KLHL1: variants seen among roughly 807,000 people sequenced by gnomAD.
KLHL1 encodes the protein kelch like family member 1.
KLHL1 carries 47 observed loss-of-function variants against 77.7 expected under a neutral mutation model. The observed-to-expected ratio is 0.60, with a 90% CI of 0.48 to 0.77. KLHL1 has a LOEUF of 0.77. Among genes scored for constraint, KLHL1 ranks in the 30% least tolerant of loss-of-function variants. The pLI is 0.00. For missense variants in KLHL1, 925 were observed against 910.8 expected, an observed-to-expected ratio of 1.02 and a Z score of -0.20; for synonymous variants, 360 against 325.2, an observed-to-expected ratio of 1.11 and a Z score of -1.15.
At chr13:69,855,098 G>A (rs1302986231) in intron 5 of KLHL1, among the ~76,000 whole-genome samples, 1 of 151,896 alleles carries the variant, frequency 6.6e-6, no homozygotes, top group Non-Finnish European at 1.5e-5. Context: ...TTATAGCAGA[G>A]CGTATTAGAA....
intron 4 of KLHL1, among the ~76,000 whole-genome samples, chr13:69,936,954 C>A (rs1883205707): frequency 6.6e-6 from 1 of 152,154 alleles, no homozygotes; most frequent in African/African-American, 2.4e-5. Context: ...TATCTTCCTG[C>A]AACTGCCCGT....
chr13:69,882,272 C>G lies in KLHL1; in HGVS notation c.1227+11G>C. The G allele has an allele frequency of 6.3e-7, 1 of 1,582,408 alleles. No individual in the cohort carries two copies. Among genetic ancestry groups the G allele is most frequent in the Non-Finnish European group, 8.7e-7 (1 of 1,151,356 alleles). ...CATTGAATCTATTTAAACAGCGTCA[C>G]ACATCATTACCTGTGGTGGAAGCAG... On this transcript the variant is annotated intron_variant, in intron 5 of 10. Transcript: ENST00000377844.
intron 4 of KLHL1, among the ~76,000 whole-genome samples, chr13:69,935,708 A>T (rs1883167563): frequency 6.6e-6 from 1 of 152,166 alleles, no homozygotes; most frequent in South Asian, 2.1e-4. Flanking sequence ...GTCAAAAAAC[A>T]GTAAGAAGAT....
At chr13:69,803,443 G>A (rs1430937351) in intron 6 of KLHL1, among the ~76,000 whole-genome samples, 1 of 152,146 alleles carries the variant, frequency 6.6e-6, no homozygotes, top group Non-Finnish European at 1.5e-5. Flanking sequence ...TGTAAAAAGA[G>A]TTAATTGCAA....
chr13:69,921,658 T>C (rs375188365), intron 4 of KLHL1, among the ~76,000 whole-genome samples: 6 of 152,166 alleles, frequency 3.9e-5, no homozygotes, highest in African/African-American at 9.7e-5. Context: ...CCCTTTTACA[T>C]GCCCTCACTC....
intron 1 of KLHL1, among the ~76,000 whole-genome samples, chr13:70,022,869 A>C (rs1165904864): frequency 6.6e-6 from 1 of 151,986 alleles, no homozygotes; most frequent in African/African-American, 2.4e-5. Context: ...AATCTGGCAA[A>C]CTTTAACTGT....
intron 4 of KLHL1, among the ~76,000 whole-genome samples, chr13:69,915,079 A>C (rs1882378084): frequency 6.6e-6 from 1 of 152,152 alleles, no homozygotes; most frequent in Non-Finnish European, 1.5e-5. Flanking sequence ...AACACTGCTC[A>C]ACGAAATAAA....
intron 7 of KLHL1, among the ~76,000 whole-genome samples, chr13:69,782,839 A>T (rs1052526765): frequency 6.6e-5 from 10 of 152,186 alleles, no homozygotes; most frequent in Admixed American, 5.2e-4. Flanking sequence ...GCAGCTGGTG[A>T]TCTGAGAATG....
intron 7 of KLHL1, among the ~76,000 whole-genome samples, chr13:69,770,235 G>A (rs1875500082): frequency 6.6e-6 from 1 of 152,208 alleles, no homozygotes; most frequent in Non-Finnish European, 1.5e-5. Context: ...TGGTCCAGAT[G>A]TGGGCAAAGC....
intron 4 of KLHL1, among the ~76,000 whole-genome samples, chr13:69,917,265 A>C (rs1405223133): frequency 6.6e-6 from 1 of 152,040 alleles, no homozygotes; most frequent in East Asian, 1.9e-4. Context: ...ATAAAATGAA[A>C]TGCTTAAAAC....
chr13:70,107,235 A>T lies in KLHL1; in HGVS notation c.465T>A (p.Ser155=), dbSNP rs753720529. 18 of 1,613,424 alleles carry T rather than the reference A, an allele frequency of 1.1e-5. No individual in the cohort carries two copies. The South Asian group carries it at 2.0e-4, about 18-fold the overall frequency. The change falls in exon 1 of 11, where the codon TCT becomes TCA. Residue 155 remains serine (S), a synonymous_variant. Coordinates refer to ENST00000377844, the MANE Select transcript of KLHL1 (RefSeq NM_020866.3). The part of the protein sequence containing the change: ...LQELKVEPDN[S]SQATGEGCGH... ...CACATCCTTCACCTGTTGCCTGGCT[A>T]GAGTTGTCTGGCTCCACTTTGAGCT...
chr13:70,066,295 G>A (rs1887003989), intron 1 of KLHL1, among the ~76,000 whole-genome samples: 7 of 152,088 alleles, frequency 4.6e-5, no homozygotes, highest in Admixed American at 4.6e-4. Context: ...CTAGCAATGA[G>A]AGATTTACTT....
At chr13:70,016,946 A>C (rs1885674104) in intron 1 of KLHL1, among the ~76,000 whole-genome samples, 1 of 152,124 alleles carries the variant, frequency 6.6e-6, no homozygotes, top group African/African-American at 2.4e-5. Flanking sequence ...CCTGGGGGCC[A>C]CCTGCCTGTG....
chr13:69,702,075 A>G lies in KLHL1; in HGVS notation c.2188-314T>C, dbSNP rs571762673. The stretch of plus-strand genomic sequence containing the variant: ...AAGCTCTATTCTGGAGTTTGCATGG[A>G]CACATTTGTGATAATATTTCATAGT... On this transcript the variant is annotated intron_variant, in intron 10 of 10. Coordinates refer to ENST00000377844, the MANE Select transcript of KLHL1 (RefSeq NM_020866.3). Among the ~76,000 whole-genome samples, 850 of 151,808 alleles carry G rather than the reference A, an allele frequency of 5.6e-3. 6 individuals carry two copies. Among genetic ancestry groups the G allele is most frequent in the African/African-American group, 0.02 (813 of 41,514 alleles).
intron 5 of KLHL1, among the ~76,000 whole-genome samples, chr13:69,880,698 C>T (rs866902133): frequency 1.3e-5 from 2 of 152,036 alleles, no homozygotes; most frequent in African/African-American, 4.8e-5. Flanking sequence ...TAACTGATGA[C>T]AGAAGAGTTG....
chr13:69,952,298 T>C (rs1422851065), intron 3 of KLHL1, among the ~76,000 whole-genome samples: 2 of 151,442 alleles, frequency 1.3e-5, no homozygotes, highest in African/African-American at 4.8e-5. Context: ...ATTTACGTTT[T>C]TCAGGCATGG....
At chr13:69,743,699 T>C (rs1874078684) in intron 7 of KLHL1, among the ~76,000 whole-genome samples, 1 of 151,698 alleles carries the variant, frequency 6.6e-6, no homozygotes, top group Non-Finnish European at 1.5e-5. Flanking sequence ...GGCAGGAGAA[T>C]TGCTTCAACC....
rs1467934506 is a variant in KLHL1, at chr13:69,961,332, C to T, written c.793G>A (p.Asp265Asn). The T allele has an allele frequency of 1.2e-6, 2 of 1,612,556 alleles. No homozygotes were observed. Among genetic ancestry groups the T allele is most frequent in the Admixed American group, 1.7e-5 (1 of 59,868 alleles). The change falls in exon 3 of 11, where the codon GAC becomes AAC. Residue 265 changes from aspartate to asparagine, a missense_variant. Transcript: ENST00000377844. The stretch of plus-strand genomic sequence containing the variant: ...CCTGTATATGCAAATTGGACAAGGT[C>T]CCAGAGAGCATTGGGGTCTATGCCT... ...MEGIDPNALW[D>N]LVQFAYTGCL...
chr13:69,854,236 G>A (rs1441951397), intron 5 of KLHL1, among the ~76,000 whole-genome samples: 3 of 152,016 alleles, frequency 2.0e-5, no homozygotes, highest in African/African-American at 7.2e-5. Context: ...TGTACAAGAA[G>A]CATGGCACCA....
Sources: allele counts gnomAD v4.1 joint callset (sites outside exome capture counted in the v4.1 genomes callset), GRCh38; gene constraint gnomAD v4.1.1; transcripts MANE v1.5; gene names NCBI Gene and HGNC (gene_info 2026-07-23, HGNC 2026-07-21).